Variants in C1QTNF7 observed in about 807,000 individuals in gnomAD.
C1QTNF7 encodes the protein C1q and TNF related 7, also known as complement C1q tumor necrosis factor-related protein 7.
Under a neutral mutation model 19.6 loss-of-function variants are expected in C1QTNF7, and 15 were observed. The ratio of observed to expected loss-of-function variants is 0.76; its 90% confidence interval spans 0.51 to 1.18. The LOEUF (loss-of-function observed/expected upper bound fraction) is 1.18. Ranked by LOEUF, C1QTNF7 falls within the 50% of genes most tolerant of loss-of-function variation. The pLI is 0.00. For synonymous variants in C1QTNF7, 142 were observed against 137.5 expected (o/e 1.03, Z -0.23); for missense variants, 324 against 359.7 (o/e 0.90, Z 0.80).
intron 1 of C1QTNF7, among the ~76,000 whole-genome samples, chr4:15,407,240 C>T (rs915180663): frequency 6.6e-6 from 1 of 152,094 alleles, no homozygotes; most frequent in African/African-American, 2.4e-5. Context: ...TCAATAGCAC[C>T]CTATGGACCT....
chr4:15,394,838 C>T (rs978160704), intron 1 of C1QTNF7, among the ~76,000 whole-genome samples: 1 of 152,004 alleles, frequency 6.6e-6, no homozygotes, highest in Admixed American at 6.6e-5. Flanking sequence ...TCCCCAAGTG[C>T]CTTAGGATAG....
At chr4:15,434,712 A>G (rs904815841) in intron 1 of C1QTNF7, among the ~76,000 whole-genome samples, 1 of 152,122 alleles carries the variant, frequency 6.6e-6, no homozygotes, top group Non-Finnish European at 1.5e-5. Context: ...ATACTAATAA[A>G]TGACTCATCA....
chr4:15,439,933 T>A (rs1310474941), intron 2 of C1QTNF7, among the ~76,000 whole-genome samples: 1 of 151,664 alleles, frequency 6.6e-6, no homozygotes, highest in African/African-American at 2.4e-5. Context: ...ATATATAATC[T>A]ATTTTATATA....
intron 1 of C1QTNF7, among the ~76,000 whole-genome samples, chr4:15,410,936 A>G (rs1380142239): frequency 6.6e-6 from 1 of 152,222 alleles, no homozygotes; most frequent in Non-Finnish European, 1.5e-5. Flanking sequence ...GTTACAACCC[A>G]GAAACAAAAC....
At chr4:15,376,485 C>T (rs1484135781) in intron 1 of C1QTNF7, among the ~76,000 whole-genome samples, 1 of 152,160 alleles carries the variant, frequency 6.6e-6, no homozygotes, top group Admixed American at 6.5e-5. Context: ...TTACTTAACT[C>T]CTCTGTGCCT....
chr4:15,428,284 G>A (rs746006857), intron 1 of C1QTNF7, among the ~76,000 whole-genome samples, 178 bp downstream of exon 1: 3 of 152,068 alleles, frequency 2.0e-5, no homozygotes, highest in African/African-American at 2.4e-5. Context: ...GACAAGTTGC[G>A]GGACTTCTCA....
intron 1 of C1QTNF7, among the ~76,000 whole-genome samples, chr4:15,344,456 CTT>C (rs1365764704): frequency 6.6e-6 from 1 of 152,150 alleles, no homozygotes; most frequent in Admixed American, 6.5e-5. Context: ...AACATCAAGA[CTT>C]TGACTATCTC....
intron 2 of C1QTNF7, among the ~76,000 whole-genome samples, chr4:15,438,275 G>A (rs1021787578): frequency 1.3e-5 from 2 of 152,164 alleles, no homozygotes; most frequent in African/African-American, 4.8e-5. Context: ...AGAAAGAAAA[G>A]GTAGGAATGA....
At chr4:15,423,095 T>C (rs1711859475), upstream of C1QTNF7, among the ~76,000 whole-genome samples, 1 of 152,212 alleles carries the variant, frequency 6.6e-6, no homozygotes, top group Admixed American at 6.5e-5. Context: ...CAGGTATCAG[T>C]GAAGGCTGTA....
At chr4:15,366,445 A>G (rs921413348) in intron 1 of C1QTNF7, among the ~76,000 whole-genome samples, 1 of 152,160 alleles carries the variant, frequency 6.6e-6, no homozygotes, top group Non-Finnish European at 1.5e-5. Context: ...AAAACTGCGG[A>G]TAGTCCCCTG....
At chr4:15,415,620 C>CATATATATATAT (rs35377968) in intron 1 of C1QTNF7, among the ~76,000 whole-genome samples, 19 of 146,862 alleles carry the variant, frequency 1.3e-4, no homozygotes, top group East Asian at 4.0e-4. Context: ...TTATTTGATG[C>CATATATATATAT]ATATATATAT....
intron 1 of C1QTNF7, among the ~76,000 whole-genome samples, chr4:15,397,589 C>T (rs961712518): frequency 6.6e-6 from 1 of 152,228 alleles, no homozygotes; most frequent in Admixed American, 6.5e-5. Context: ...CTCCGTGTCA[C>T]ACTGGGCTTG....
chr4:15,340,442 C>T (rs1716499783), intron 1 of C1QTNF7, among the ~76,000 whole-genome samples: 1 of 152,094 alleles, frequency 6.6e-6, no homozygotes, highest in African/African-American at 2.4e-5. Flanking sequence ...TATAAAAAAT[C>T]CCATTTGTTT....
At chr4:15,371,996 A>T (rs980953318) in intron 1 of C1QTNF7, among the ~76,000 whole-genome samples, 1 of 152,304 alleles carries the variant, frequency 6.6e-6, no homozygotes, top group Non-Finnish European at 1.5e-5. Context: ...AGAATGTGTC[A>T]TGAGGGGAGC....
intron 1 of C1QTNF7, among the ~76,000 whole-genome samples, chr4:15,370,300 G>A (rs1717674365): frequency 6.6e-6 from 1 of 152,172 alleles, no homozygotes; most frequent in Admixed American, 6.5e-5. Flanking sequence ...CAAGCTTGCT[G>A]GGAAGCCATA....
At chr4:15,413,285 A>G (rs1719473268) in intron 1 of C1QTNF7, among the ~76,000 whole-genome samples, 1 of 152,184 alleles carries the variant, frequency 6.6e-6, no homozygotes, top group Non-Finnish European at 1.5e-5. Context: ...TCAGAAGGTA[A>G]GGACCTTGTC....
intron 2 of C1QTNF7, among the ~76,000 whole-genome samples, chr4:15,439,382 A>G (rs1364463259): frequency 6.6e-6 from 1 of 152,226 alleles, no homozygotes; most frequent in Non-Finnish European, 1.5e-5. Context: ...GGAATTTTCA[A>G]GAGGGTGAGA....
intron 1 of C1QTNF7, among the ~76,000 whole-genome samples, chr4:15,408,680 C>T (rs542091033): frequency 2.1e-4 from 32 of 152,274 alleles, no homozygotes; most frequent in Non-Finnish European, 3.5e-4. Context: ...AGGCTCTAAG[C>T]TCCTCTGGAG....
intron 1 of C1QTNF7, among the ~76,000 whole-genome samples, chr4:15,432,603 C>T (rs1018148993): frequency 6.6e-6 from 1 of 152,160 alleles, no homozygotes; most frequent in Non-Finnish European, 1.5e-5. Context: ...CCATATTGGC[C>T]AGGCTAATCT....
Sources: allele counts gnomAD v4.1 joint callset (sites outside exome capture counted in the v4.1 genomes callset), GRCh38; gene constraint gnomAD v4.1.1; transcripts MANE v1.5; gene names NCBI Gene and HGNC (gene_info 2026-07-23, HGNC 2026-07-21).